Variants in PRKD3 observed in about 807,000 individuals in gnomAD.
PRKD3 encodes the protein serine/threonine-protein kinase D3.
In PRKD3, 47 loss-of-function variants were observed where a neutral mutation model predicts 99.2. The observed-to-expected ratio is 0.47, with a 90% CI of 0.38 to 0.60. PRKD3 has a LOEUF of 0.60. Ranked by LOEUF, PRKD3 falls within the 20% of genes least tolerant of loss-of-function variation. The probability of loss-of-function intolerance (pLI) is 0.00; values close to 1 mark genes in which losing one functional copy is unlikely to be tolerated. For synonymous variants in PRKD3, 392 were observed against 355.4 expected (o/e 1.10, Z -1.16); for missense variants, 1,019 against 1,088.4 (o/e 0.94, Z 0.90).
At chr2:37,256,952 A>T (rs766272641) in intron 16 of PRKD3, 23 bp from the exon 17 acceptor site, 1 of 1,613,026 alleles carries the variant, frequency 6.2e-7, no homozygotes, top group Non-Finnish European at 8.5e-7. Context: ...GGATGATGTT[A>T]ATTTTGTATT....
At chr2:37,308,439 T>C (rs566604060) in intron 2 of PRKD3, among the ~76,000 whole-genome samples, 7 of 152,308 alleles carry the variant, frequency 4.6e-5, no homozygotes, top group Admixed American at 6.5e-5. Context: ...CATATTTTTC[T>C]TTTGAGACAG....
chr2:37,280,054 C>CTTTTTTT, intron 7 of PRKD3, 125 bp from the exon 8 acceptor site: 1 of 463,680 alleles, frequency 2.2e-6, no homozygotes, highest in Non-Finnish European at 3.6e-6. Flanking sequence ...AAGTATTTCT[C>CTTTTTTT]TTTTTTTTTT....
intron 14 of PRKD3, among the ~76,000 whole-genome samples, chr2:37,266,996 A>G (rs1236583357): frequency 2.0e-5 from 3 of 152,222 alleles, no homozygotes; most frequent in African/African-American, 4.8e-5. Context: ...CATTGCCAAT[A>G]TATCTTTAAA....
rs1669456565 is a variant in PRKD3 at position 37,274,428 on chromosome 2, T to C, written c.1644A>G (p.Lys548=). 1.2e-6 allele frequency: 2 copies of C among 1,614,122 alleles called. No individual in the cohort carries two copies. The highest frequency in any genetic ancestry group is 1.3e-5 in the African/African-American group (1 of 75,058). Residue 548 remains lysine (K), a synonymous_variant, in exon 11 of 19, where the codon AAA becomes AAG. Transcript: ENST00000234179. ...AAGAAGTTTATTGCTTACTGTGATC[T>C]TTCCCTTGCCCTGGAGAAGTGCAAA... ...ASVCTSPGQG[K]DHKDLSTSIS... is the part of the protein sequence containing the mutation.
intron 2 of PRKD3, among the ~76,000 whole-genome samples, chr2:37,296,105 G>A (rs1162187640): frequency 6.6e-6 from 1 of 152,120 alleles, no homozygotes; most frequent in East Asian, 1.9e-4. Flanking sequence ...TAAATGGAAA[G>A]AGACAAGGAA....
In PRKD3 at chr2:37,278,004, A is replaced by T. The variant is rs1669657351; in HGVS notation, c.1173-15T>A. ...TTGTTGATGGACTAAAAAATATTTA[A>T]AATTTGTAAGTTTGTGTAGATTTTT... On this transcript the variant is annotated splice_polypyrimidine_tract_variant and intron_variant, in intron 8 of 18. Coordinates refer to ENST00000234179, the MANE Select transcript of PRKD3 (RefSeq NM_005813.6). 1.3e-6 allele frequency: 2 copies of T among 1,588,424 alleles called. No individual in the cohort carries two copies. The highest frequency in any genetic ancestry group is 3.5e-5 in the Admixed American group (2 of 57,826).
chr2:37,308,261 C>A (rs902409292), intron 2 of PRKD3, among the ~76,000 whole-genome samples: 1 of 152,036 alleles, frequency 6.6e-6, no homozygotes, highest in African/African-American at 2.4e-5. Flanking sequence ...TATATGTATA[C>A]GTTATAATTT....
intron 1 of PRKD3, among the ~76,000 whole-genome samples, chr2:37,318,934 G>C (rs1375716411): frequency 1.3e-5 from 2 of 152,148 alleles, no homozygotes; most frequent in East Asian, 1.9e-4. Context: ...CAAATGGTTT[G>C]TGAATAACTA....
chr2:37,306,326 C>A (rs1266315409), intron 2 of PRKD3, among the ~76,000 whole-genome samples: 1 of 152,172 alleles, frequency 6.6e-6, no homozygotes. Flanking sequence ...ATTCCCAGTA[C>A]CATTAGTTCT....
intron 13 of PRKD3, chr2:37,269,398 A>C (rs1669068854): frequency 3.6e-6 from 2 of 548,972 alleles, no homozygotes; most frequent in Non-Finnish European, 6.5e-6. Context: ...ACACACTGTA[A>C]AATTTTCTGA....
chr2:37,271,756 C>A (rs1263676396), intron 12 of PRKD3, among the ~76,000 whole-genome samples: 1 of 152,192 alleles, frequency 6.6e-6, no homozygotes, highest in South Asian at 2.1e-4. Flanking sequence ...CATCTCCCAA[C>A]CCCCTACCTC....
At chr2:37,264,466 T>C (rs1051678205) in intron 14 of PRKD3, among the ~76,000 whole-genome samples, 1 of 136,498 alleles carries the variant, frequency 7.3e-6, no homozygotes, top group African/African-American at 2.9e-5. Flanking sequence ...AATTACCTAG[T>C]ATGAAGGTGA....
chr2:37,285,819 CT>C (rs1363025300), intron 6 of PRKD3, among the ~76,000 whole-genome samples: 8 of 152,046 alleles, frequency 5.3e-5, no homozygotes, highest in Non-Finnish European at 8.8e-5. Context: ...AATATGACTC[CT>C]ATTACTACTA....
intron 2 of PRKD3, among the ~76,000 whole-genome samples, chr2:37,314,671 A>G (rs1400846748): frequency 6.7e-6 from 1 of 149,064 alleles, no homozygotes; most frequent in Non-Finnish European, 1.5e-5. Context: ...CCAAAGATTG[A>G]AAACTAAATC....
chr2:37,316,069 G>C (rs1489003215), intron 2 of PRKD3, among the ~76,000 whole-genome samples, 168 bp downstream of exon 2: 1 of 152,172 alleles, frequency 6.6e-6, no homozygotes, highest in Admixed American at 6.5e-5. Context: ...CAATTAGCTA[G>C]ACTCTGAAAT....
chr2:37,313,929 C>A (rs1027492438), intron 2 of PRKD3, among the ~76,000 whole-genome samples: 1 of 152,006 alleles, frequency 6.6e-6, no homozygotes, highest in Non-Finnish European at 1.5e-5. Context: ...CTGTAAGCTT[C>A]AGAACAAGAT....
intron 2 of PRKD3, among the ~76,000 whole-genome samples, chr2:37,313,753 C>T (rs1322201918): frequency 6.6e-6 from 1 of 152,136 alleles, no homozygotes; most frequent in African/African-American, 2.4e-5. Flanking sequence ...TACAAGTTTT[C>T]GACTTTACAA....
chr2:37,293,666 G>C (rs1670549376), intron 2 of PRKD3, among the ~76,000 whole-genome samples: 1 of 152,198 alleles, frequency 6.6e-6, no homozygotes, highest in Non-Finnish European at 1.5e-5. Flanking sequence ...GTAGATCTCA[G>C]AATTATAAAT....
intron 2 of PRKD3, among the ~76,000 whole-genome samples, chr2:37,299,241 C>T (rs1302699770): frequency 2.0e-5 from 3 of 151,974 alleles, no homozygotes; most frequent in South Asian, 2.1e-4. Context: ...TAATGATTTG[C>T]GTATGCTGAA....
Sources: gnomAD v4.1 joint callset for allele counts (sites outside exome capture counted in the v4.1 genomes callset) on GRCh38, gnomAD v4.1.1 for gene constraint, MANE v1.5 for transcripts, NCBI Gene and HGNC (gene_info 2026-07-23, HGNC 2026-07-21) for gene names.